The following YWHAG variants were observed in gnomAD, a reference collection of about 807,000 sequenced individuals.
YWHAG encodes the protein tyrosine 3-monooxygenase/tryptophan 5-monooxygenase activation protein gamma.
YWHAG carries 1 observed loss-of-function variant against 23.3 expected under a neutral mutation model. The ratio of observed to expected loss-of-function variants is 0.04; its 90% CI spans 0.02 to 0.20. YWHAG has a LOEUF of 0.20. YWHAG is among the 10% of genes least tolerant of loss of function. The pLI is 1.00. For missense variants in YWHAG, 151 were observed against 338.6 expected (o/e 0.45, Z 4.35); for synonymous variants, 160 against 144.0 (o/e 1.11, Z -0.80).
rs1019041329 is a variant in YWHAG, at chr7:76,358,925, T to TGAGGCGGCGGCTGCGCGGAG, written c.-137_-118dup. On this transcript the variant is annotated 5_prime_UTR_variant, in exon 1 of 2. Coordinates refer to ENST00000307630, the MANE Select transcript of YWHAG (RefSeq NM_012479.4). Reference sequence around the variant, plus strand: ...AGGACCGACCCACAGAGCGAGCAGCTGAGGCGGCGGCTGCGCGGAGGAGGC... The same window carrying TGAGGCGGCGGCTGCGCGGAG: ...AGGACCGACCCACAGAGCGAGCAGCTGAGGCGGCGGCTGCGCGGAGGAGGCGGCGGCTGCGCGGAGGAGGC... 2 of 977,452 alleles carry TGAGGCGGCGGCTGCGCGGAG rather than the reference T, an allele frequency of 2.0e-6. No homozygotes were observed. Among genetic ancestry groups the TGAGGCGGCGGCTGCGCGGAG allele is most frequent in the Non-Finnish European group, 1.4e-6 (1 of 717,526 alleles). 60.5% of individuals were successfully genotyped at this position (977,452 alleles called of 1,614,324 possible).
intron 1 of YWHAG, among the ~76,000 whole-genome samples, chr7:76,332,677 T>C (rs1803562064): frequency 6.6e-6 from 1 of 151,462 alleles, no homozygotes; most frequent in African/African-American, 2.4e-5. Flanking sequence ...TGCACCACCA[T>C]GCATGGCTGA....
rs1232993419 is a variant in YWHAG at position 76,335,455 on chromosome 7, C to A, written c.88-5222G>T. On this transcript the variant is annotated intron_variant, in intron 1 of 1. Transcript: ENST00000307630. Reference sequence around the variant, plus strand: ...CTCACCAACAGTTTAAAAAGTAGAACTCCCCAAATCCCAGCTGCTAAGGAA... The same window carrying A: ...CTCACCAACAGTTTAAAAAGTAGAAATCCCCAAATCCCAGCTGCTAAGGAA... Among the ~76,000 whole-genome samples, 3 of 152,232 alleles carry A rather than the reference C, an allele frequency of 2.0e-5. No individual in the cohort carries two copies. The East Asian group carries it at 5.8e-4, about 29-fold the overall frequency.
chr7:76,330,068 A>G lies in YWHAG; in HGVS notation c.253T>C (p.Tyr85His). ...AACTCCTTCTCTATCTTCTCCCGGTACGCACGGACCATCTCAATCTTCTTC... is the reference window on the plus strand; with the variant it reads ...AACTCCTTCTCTATCTTCTCCCGGTGCGCACGGACCATCTCAATCTTCTTC... Reference protein sequence around the residue: ...NEKKIEMVRAYREKIEKELEA... With the variant: ...NEKKIEMVRAHREKIEKELEA... The change falls in exon 2 of 2, where the codon TAC (tyrosine) becomes CAC (histidine). Residue 85 changes from tyrosine (Y) to histidine (H), a missense_variant. By Grantham distance (83) the Tyr-to-His change is moderately conservative. Transcript: ENST00000307630. 6.2e-7 allele frequency: 1 copy of G among 1,614,062 alleles called. No individual in the cohort carries two copies. The highest frequency in any genetic ancestry group is 8.5e-7 in the Non-Finnish European group (1 of 1,180,014).
At chr7:76,336,995 G>T (rs184375400) in intron 1 of YWHAG, among the ~76,000 whole-genome samples, 3 of 152,166 alleles carry the variant, frequency 2.0e-5, no homozygotes, top group African/African-American at 4.8e-5. Flanking sequence ...CACTGCAAAC[G>T]GATGGGACAC....
At position 76,358,950 on chromosome 7, in the gene YWHAG, C is replaced by A. The variant is rs1396816137; in HGVS notation, c.-142G>T. 6 of 721,754 alleles carry A rather than the reference C, an allele frequency of 8.3e-6. No homozygotes were observed. In the East Asian group the frequency reaches 1.7e-4, roughly 20 times the overall value. 44.7% of individuals were successfully genotyped at this position (721,754 alleles called of 1,614,324 possible). A position where few individuals can be genotyped will look rare whatever the true frequency, so the allele number is the denominator to read the frequency against. ...TGAGGCGGCGGCTGCGCGGAGGAGG[C>A]GGCTGGAGCTGCGACCGCGGGACCG... On this transcript the variant is annotated 5_prime_UTR_variant, in exon 1 of 2. Transcript: ENST00000307630.
chr7:76,334,747 G>GA (rs1554617098), intron 1 of YWHAG, among the ~76,000 whole-genome samples: 2 of 149,036 alleles, frequency 1.3e-5, no homozygotes, highest in South Asian at 2.1e-4. Context: ...AAGAAAGAAA[G>GA]AAAGAAAAGA....
chr7:76,330,011 G>C lies in YWHAG; in HGVS notation c.310C>G (p.Leu104Val). The change falls in exon 2 of 2, where the codon CTG becomes GTG. Residue 104 changes from leucine to valine, a missense_variant. By Grantham distance (32) the Leu-to-Val change is conservative. Coordinates refer to ENST00000307630, the MANE Select transcript of YWHAG (RefSeq NM_012479.4). ...EAVCQDVLSL[L>V]DNYLIKNCSE... is the part of the protein sequence containing the mutation. ...CAATTCTTGATCAGGTAGTTATCCAGCAGGCTCAGCACATCCTGGCACACA... is the reference window on the plus strand; with the variant it reads ...CAATTCTTGATCAGGTAGTTATCCACCAGGCTCAGCACATCCTGGCACACA... The C allele has an allele frequency of 6.2e-7, 1 of 1,614,122 alleles. No homozygotes were observed. Among genetic ancestry groups the C allele is most frequent in the Non-Finnish European group, 8.5e-7 (1 of 1,180,026 alleles).
intron 1 of YWHAG, among the ~76,000 whole-genome samples, chr7:76,342,620 ACT>A (rs1803714425): frequency 6.6e-6 from 1 of 151,908 alleles, no homozygotes; most frequent in African/African-American, 2.4e-5. Flanking sequence ...AACTTTACTC[ACT>A]GTTTCCATCC....
At chr7:76,348,700 G>A (rs578193477) in intron 1 of YWHAG, among the ~76,000 whole-genome samples, 7 of 150,684 alleles carry the variant, frequency 4.6e-5, no homozygotes, top group East Asian at 2.0e-4. Context: ...CACCGCGCCC[G>A]GCCTAATTTT....
At chr7:76,349,428 C>CAG (rs1803839425) in intron 1 of YWHAG, among the ~76,000 whole-genome samples, 1 of 126,806 alleles carries the variant, frequency 7.9e-6, no homozygotes, top group Non-Finnish European at 1.6e-5. Flanking sequence ...TACACACACA[C>CAG]ACACACACAC....
rs1178065393 is a variant in YWHAG, at chr7:76,329,621, T to C, written c.700A>G (p.Thr234Ala). Residue 234 changes from threonine (T) to alanine (A), a missense_variant, in exon 2 of 2, where the codon ACG becomes GCG. Physicochemically the swap from Thr to Ala is moderately conservative, Grantham distance 58. Coordinates refer to ENST00000307630, the MANE Select transcript of YWHAG (RefSeq NM_012479.4). The surrounding 1 kb of genome is among the most constrained non-coding windows in gnomAD (Gnocchi z 6.1). ...QLLRDNLTLW[T>A]SDQQDDDGGE... ...CCATCGTCGTCCTGCTGGTCGCTCG[T>C]CCAGAGCGTGAGGTTGTCGCGGAGG... 2 of 1,613,616 alleles carry C rather than the reference T, an allele frequency of 1.2e-6. No homozygotes were observed. Among genetic ancestry groups the C allele is most frequent in the Non-Finnish European group, 8.5e-7 (1 of 1,179,642 alleles).
chr7:76,356,326 G>A (rs1354806740), intron 1 of YWHAG, among the ~76,000 whole-genome samples: 1 of 152,234 alleles, frequency 6.6e-6, no homozygotes, highest in Non-Finnish European at 1.5e-5. Context: ...ATGAGGGACA[G>A]AGCCTATTTC....
rs1251256744 is a variant in YWHAG at position 76,327,668 on chromosome 7, G to T, written c.*1909C>A. 1.5e-3 allele frequency: 70 copies of T among 47,094 alleles called. No individual in the cohort carries two copies. Among genetic ancestry groups the T allele is most frequent in the Non-Finnish European group, 1.7e-3 (47 of 27,240 alleles). 2.9% of individuals were successfully genotyped at this position (47,094 alleles called of 1,614,324 possible). A position where few individuals can be genotyped will look rare whatever the true frequency, so the allele number is the denominator to read the frequency against. ...AATTAGGGAAAGCCCCACCTACCCT[G>T]CCCCCCCCCCCCTCCCCCCCCAAAT... On this transcript the variant is annotated 3_prime_UTR_variant, in exon 2 of 2. Transcript: ENST00000307630.
At chr7:76,337,535 A>ATT (rs1299444317) in intron 1 of YWHAG, among the ~76,000 whole-genome samples, 45 of 139,128 alleles carry the variant, frequency 3.2e-4, no homozygotes, top group African/African-American at 8.3e-4. Flanking sequence ...CCCTTTGCTA[A>ATT]TTTTTTTTTT....
intron 1 of YWHAG, among the ~76,000 whole-genome samples, chr7:76,351,603 A>T (rs1803873269): frequency 6.6e-6 from 1 of 152,150 alleles, no homozygotes; most frequent in Admixed American, 6.6e-5. Context: ...CTGTCAGATC[A>T]GCGGTGGCAT....
chr7:76,334,258 T>C lies in YWHAG; in HGVS notation c.88-4025A>G, dbSNP rs532902794. ...ATTAAAATAAGAGATCCCCACCATA[T>C]TAGTTTTAAAGGTCAACAGATAACC... is the stretch of plus-strand genomic sequence containing the variant. On this transcript the variant is annotated intron_variant, in intron 1 of 1. Transcript: ENST00000307630. 3.3e-5 allele frequency among the ~76,000 whole-genome samples: 5 copies of C among 152,314 alleles called. No individual in the cohort carries two copies. In the South Asian group the frequency reaches 1.0e-3, roughly 32 times the overall value.
In YWHAG at chr7:76,358,826, T is replaced by C; in HGVS notation, c.-18A>G. The C allele has an allele frequency of 6.3e-7, 1 of 1,583,804 alleles. No homozygotes were observed. The highest frequency in any genetic ancestry group is 8.6e-7 in the Non-Finnish European group (1 of 1,166,208). On this transcript the variant is annotated 5_prime_UTR_variant, in exon 1 of 2. Coordinates refer to ENST00000307630, the MANE Select transcript of YWHAG (RefSeq NM_012479.4). ...TCCACCATCTTCGCGGGGCTGGGTC[T>C]GGCCGGAGAAGGAGGAGGACACTGG...
chr7:76,335,523 TGAG>T (rs1484578441), intron 1 of YWHAG, among the ~76,000 whole-genome samples: 2 of 152,250 alleles, frequency 1.3e-5, no homozygotes, highest in African/African-American at 4.8e-5. Context: ...TAAGAGTTGA[TGAG>T]GAGAGAAACC....
intron 1 of YWHAG, among the ~76,000 whole-genome samples, chr7:76,350,504 G>A (rs1339654272): frequency 6.6e-6 from 1 of 152,150 alleles, no homozygotes; most frequent in Non-Finnish European, 1.5e-5. Flanking sequence ...AAGTGGAGGA[G>A]CTTACTGAAT....
Sources: gnomAD v4.1 joint callset for allele counts (sites outside exome capture counted in the v4.1 genomes callset) on GRCh38, gnomAD v4.1.1 for gene constraint, Gnocchi (gnomAD v3.1) non-coding constraint, MANE v1.5 for transcripts, NCBI Gene and HGNC (gene_info 2026-07-23, HGNC 2026-07-21) for gene names.